Variants in MSI2 observed in about 807,000 individuals in gnomAD.
MSI2 encodes the protein RNA-binding protein Musashi homolog 2.
Under a neutral mutation model 45.6 loss-of-function variants are expected in MSI2, and 17 were observed. That is an observed-to-expected ratio of 0.37 (90% CI 0.26 to 0.56). The LOEUF is 0.56. MSI2 is among the 20% of genes least tolerant of loss of function. MSI2 has a pLI of 0.77. For missense variants in MSI2, 293 were observed against 444.2 expected, an observed-to-expected ratio of 0.66 and a Z score of 3.06; for synonymous variants, 156 against 158.2, an observed-to-expected ratio of 0.99 and a Z score of 0.11.
At chr17:57,452,552 C>G (rs759374190) in intron 6 of MSI2, among the ~76,000 whole-genome samples, 2 of 152,212 alleles carry the variant, frequency 1.3e-5, no homozygotes, top group African/African-American at 2.4e-5. Context: ...TGCTTGCTTC[C>G]ACTCTGTACA....
intron 5 of MSI2, among the ~76,000 whole-genome samples, chr17:57,337,553 G>A (rs956754412): frequency 6.6e-6 from 1 of 152,156 alleles, no homozygotes; most frequent in African/African-American, 2.4e-5. Context: ...CTGGGTCTCA[G>A]GGGCAGTGAG....
At chr17:57,349,089 G>T (rs1480115403) in intron 5 of MSI2, among the ~76,000 whole-genome samples, 2 of 152,104 alleles carry the variant, frequency 1.3e-5, no homozygotes, top group African/African-American at 4.8e-5. Context: ...GAGCATTCTC[G>T]GGCTGCCCTC....
At chr17:57,670,371 A>G (rs1374024957) in intron 11 of MSI2, among the ~76,000 whole-genome samples, 1 of 152,206 alleles carries the variant, frequency 6.6e-6, no homozygotes, top group African/African-American at 2.4e-5. Flanking sequence ...GACAGCAGGC[A>G]TCTCTCCCGT....
intron 10 of MSI2, chr17:57,632,703 C>T: frequency 7.5e-6 from 8 of 1,065,990 alleles, no homozygotes; most frequent in Non-Finnish European, 9.1e-6. Flanking sequence ...GAAATACACC[C>T]ACTCTCTTGG....
chr17:57,379,197 C>T (rs74550090), intron 5 of MSI2, among the ~76,000 whole-genome samples: 1,885 of 151,378 alleles, frequency 0.012, 19 homozygotes, highest in Middle Eastern at 0.027. Flanking sequence ...TCTCAGCTCA[C>T]CCCACTTCTC....
At chr17:57,599,366 T>A (rs1398349031) in intron 8 of MSI2, among the ~76,000 whole-genome samples, 1 of 152,202 alleles carries the variant, frequency 6.6e-6, no homozygotes, top group Admixed American at 6.5e-5. Flanking sequence ...AGGAACTATA[T>A]AGACAGTTGT....
At chr17:57,450,622 G>A (rs2084999051) in intron 6 of MSI2, among the ~76,000 whole-genome samples, 1 of 117,262 alleles carries the variant, frequency 8.5e-6, no homozygotes, top group South Asian at 2.8e-4. Context: ...AGTGAGCCAA[G>A]ATCACACCAC....
intron 5 of MSI2, among the ~76,000 whole-genome samples, chr17:57,390,294 T>G (rs1207857736): frequency 6.6e-6 from 1 of 152,118 alleles, no homozygotes; most frequent in African/African-American, 2.4e-5. Flanking sequence ...TCCTTGCCAT[T>G]TTTCCCGTTA....
At chr17:57,362,729 C>T (rs1033954801) in intron 5 of MSI2, among the ~76,000 whole-genome samples, 6 of 151,594 alleles carry the variant, frequency 4.0e-5, no homozygotes, top group Admixed American at 2.0e-4. Flanking sequence ...TGCCACCCCT[C>T]TGATATTTTC....
At chr17:57,401,573 A>G in intron 6 of MSI2, 102 bp downstream of exon 6, 1 of 850,992 alleles carries the variant, frequency 1.2e-6, no homozygotes, top group Non-Finnish European at 2.0e-6. Context: ...TGTGTCCTCA[A>G]GAACCTTGTC....
chr17:57,349,731 C>CT (rs1915871656), intron 5 of MSI2, among the ~76,000 whole-genome samples: 1 of 152,158 alleles, frequency 6.6e-6, no homozygotes, highest in Non-Finnish European at 1.5e-5. Context: ...GTGCTTAGTT[C>CT]CAGCCTGTCT....
chr17:57,567,726 G>GGGCCACTGCCTCAGAGAT (rs2087770421), intron 7 of MSI2, among the ~76,000 whole-genome samples: 1 of 152,216 alleles, frequency 6.6e-6, no homozygotes, highest in Non-Finnish European at 1.5e-5. Context: ...CTGGTGGATG[G>GGGCCACTGCCTCAGAGAT]GGCCACTGCC....
At chr17:57,607,078 C>T (rs1337670997) in intron 8 of MSI2, among the ~76,000 whole-genome samples, 1 of 152,198 alleles carries the variant, frequency 6.6e-6, no homozygotes, top group Non-Finnish European at 1.5e-5. Context: ...AATGAGGCTC[C>T]ATGCAATGAG....
At chr17:57,362,291 C>T (rs114848692) in intron 5 of MSI2, among the ~76,000 whole-genome samples, 120 of 152,242 alleles carry the variant, frequency 7.9e-4, no homozygotes, top group African/African-American at 2.7e-3. Flanking sequence ...CCATTTTGTT[C>T]GGTAATAGTG....
chr17:57,537,354 A>C lies in MSI2; in HGVS notation c.454+7630A>C, dbSNP rs139186761. 1.6e-3 allele frequency among the ~76,000 whole-genome samples: 250 copies of C among 152,202 alleles called. 1 individual carries two copies. The highest frequency in any genetic ancestry group is 6.8e-3 in the Middle Eastern group (2 of 294). On this transcript the variant is annotated intron_variant, in intron 7 of 13. Transcript: ENST00000284073. ...AGGCCCTGTAACCTTGCAGCGATGG[A>C]GGGCAAAGGAGGGGGTGGGATAAAG...
chr17:57,639,610 G>A (rs1456855223), intron 10 of MSI2, among the ~76,000 whole-genome samples: 1 of 152,232 alleles, frequency 6.6e-6, no homozygotes, highest in Non-Finnish European at 1.5e-5. Flanking sequence ...CCTTTGAGGT[G>A]GGAAAGGGAG....
chr17:57,336,475 A>C (rs889821034), intron 5 of MSI2, among the ~76,000 whole-genome samples: 1 of 152,220 alleles, frequency 6.6e-6, no homozygotes, highest in Non-Finnish European at 1.5e-5. Context: ...CAGGACTTGA[A>C]TAGTAGTTAA....
intron 11 of MSI2, among the ~76,000 whole-genome samples, chr17:57,672,921 T>A (rs925109627): frequency 6.6e-6 from 1 of 152,218 alleles, no homozygotes; most frequent in African/African-American, 2.4e-5. Context: ...TCTCCATCCC[T>A]TTTTTCTGCC....
At chr17:57,697,347 A>G in the MSI2 span, among the ~76,000 whole-genome samples, 2 of 151,508 alleles carry the variant, frequency 1.3e-5, no homozygotes, top group Non-Finnish European at 2.9e-5. Context: ...CCTCTCACTC[A>G]CACCCATGGC....
Sources: gnomAD v4.1 joint callset for allele counts (sites outside exome capture counted in the v4.1 genomes callset) on GRCh38, gnomAD v4.1.1 for gene constraint, MANE v1.5 for transcripts, NCBI Gene and HGNC (gene_info 2026-07-23, HGNC 2026-07-21) for gene names.